COL22A1: variants seen among roughly 807,000 people sequenced by gnomAD.
The protein encoded by COL22A1 is collagen alpha-1(XXII) chain.
Under a neutral mutation model 248.9 loss-of-function variants are expected in COL22A1, and 221 were observed. The ratio of observed to expected loss-of-function variants is 0.89; its 90% confidence interval spans 0.80 to 0.99. The LOEUF is 0.99. Among genes scored for constraint, COL22A1 ranks in the 50% least tolerant of loss-of-function variants. COL22A1 has a pLI of 0.00. For missense variants in COL22A1, 2,240 were observed against 2,179.0 expected (o/e 1.03, Z -0.56); for synonymous variants, 891 against 793.4 (o/e 1.12, Z -2.07).
At chr8:138,723,172 G>A (rs1199303279) in intron 25 of COL22A1, among the ~76,000 whole-genome samples, 3 of 152,142 alleles carry the variant, frequency 2.0e-5, no homozygotes, top group African/African-American at 7.2e-5. Flanking sequence ...AGAGCTATTA[G>A]TGCTGTTCAA....
intron 23 of COL22A1, among the ~76,000 whole-genome samples, chr8:138,730,288 C>G (rs1259710220): frequency 3.3e-5 from 5 of 152,158 alleles, no homozygotes; most frequent in East Asian, 1.9e-4. Context: ...AGTGGGCAGG[C>G]ACAGCTTTGA....
At chr8:138,687,447 T>G (rs1217035018) in intron 37 of COL22A1, among the ~76,000 whole-genome samples, 2 of 152,216 alleles carry the variant, frequency 1.3e-5, no homozygotes, top group Non-Finnish European at 2.9e-5. Context: ...AGAACTGAAG[T>G]GATTCTTTAA....
chr8:138,893,155 C>T (rs1035293759), intron 1 of COL22A1, among the ~76,000 whole-genome samples: 11 of 152,202 alleles, frequency 7.2e-5, no homozygotes, highest in Admixed American at 3.9e-4. Context: ...ATTCGAAATT[C>T]AACTCTGTGG....
At chr8:138,900,268 A>C (rs1275331612) in intron 1 of COL22A1, among the ~76,000 whole-genome samples, 2 of 152,112 alleles carry the variant, frequency 1.3e-5, no homozygotes, top group Non-Finnish European at 2.9e-5. Flanking sequence ...AGGTGGGGAG[A>C]TAAAAAAGAG....
At chr8:138,692,053 T>TGTGA (rs1827028491) in intron 35 of COL22A1, among the ~76,000 whole-genome samples, 6 of 87,232 alleles carry the variant, frequency 6.9e-5, no homozygotes, top group African/African-American at 1.6e-4. Flanking sequence ...AAGGTGTGTG[T>TGTGA]GTGCGCGCAC....
intron 16 of COL22A1, among the ~76,000 whole-genome samples, chr8:138,763,929 G>C (rs954824698): frequency 1.3e-5 from 2 of 152,166 alleles, no homozygotes; most frequent in Non-Finnish European, 2.9e-5. Flanking sequence ...CAGGAGGTGC[G>C]TTCACTCTTG....
intron 1 of COL22A1, among the ~76,000 whole-genome samples, chr8:138,885,804 C>T (rs77402601): frequency 0.14 from 20,632 of 152,142 alleles, 1,412 homozygotes; most frequent in African/African-American, 0.17. Flanking sequence ...CTCAGTTGAT[C>T]CGCCTGCCTC....
intron 1 of COL22A1, among the ~76,000 whole-genome samples, chr8:138,889,222 C>G (rs1477712519): frequency 6.6e-6 from 1 of 151,376 alleles, no homozygotes; most frequent in African/African-American, 2.4e-5. Context: ...GCACTAAACC[C>G]ACACTCTTTC....
Position 138,684,473 on chromosome 8 carries a change from G to A in COL22A1, c.2968-4C>T, listed in dbSNP as rs763294119. On this transcript the variant is annotated splice_polypyrimidine_tract_variant and splice_region_variant and intron_variant, in intron 38 of 64. Coordinates refer to ENST00000303045, the MANE Select transcript of COL22A1 (RefSeq NM_152888.3). ...GTCCAGGTGATCCACGGAGTCCCTG[G>A]AGAAATAAATAATACAAGGACAATC... 6.2e-6 allele frequency: 10 copies of A among 1,606,474 alleles called. No homozygotes were observed. Among genetic ancestry groups the A allele is most frequent in the Non-Finnish European group, 8.5e-6 (10 of 1,173,236 alleles).
chr8:138,828,652 G>A (rs1586840955), intron 5 of COL22A1, among the ~76,000 whole-genome samples: 1 of 151,678 alleles, frequency 6.6e-6, no homozygotes, highest in African/African-American at 2.4e-5. Context: ...AATCTATAAA[G>A]AAGGTATTAA....
chr8:138,800,652 A>G (rs2131620877), intron 11 of COL22A1, among the ~76,000 whole-genome samples: 1 of 152,302 alleles, frequency 6.6e-6, no homozygotes, highest in South Asian at 2.1e-4. Flanking sequence ...GCTGCTGATG[A>G]TATCAGGCAG....
chr8:138,595,844 T>C (rs1817497107), intron 62 of COL22A1, among the ~76,000 whole-genome samples: 1 of 151,996 alleles, frequency 6.6e-6, no homozygotes, highest in Non-Finnish European at 1.5e-5. Flanking sequence ...AAAGTAGTTA[T>C]GGATTTCTCT....
At chr8:138,795,528 GAC>G (rs6150850) in intron 12 of COL22A1, among the ~76,000 whole-genome samples, 244 of 144,420 alleles carry the variant, frequency 1.7e-3, no homozygotes, top group Non-Finnish European at 2.0e-3. Context: ...CTCTCTTTCA[GAC>G]ACACACACAC....
At chr8:138,660,358 C>T in intron 44 of COL22A1, 78 bp downstream of exon 44, 2 of 1,260,742 alleles carry the variant, frequency 1.6e-6, no homozygotes, top group Admixed American at 1.7e-5. Context: ...ACCTCTTGAA[C>T]TTTCTGAGTT....
At chr8:138,820,102 A>T (rs942242206) in intron 7 of COL22A1, among the ~76,000 whole-genome samples, 1 of 152,146 alleles carries the variant, frequency 6.6e-6, no homozygotes, top group Non-Finnish European at 1.5e-5. Flanking sequence ...CTAAAAAAAA[A>T]TAAAAGCTTA....
chr8:138,808,462 C>T (rs555550188), intron 9 of COL22A1, among the ~76,000 whole-genome samples: 2 of 152,236 alleles, frequency 1.3e-5, no homozygotes, highest in East Asian at 1.9e-4. Context: ...TGACTGCTAG[C>T]GGTTCATGTA....
chr8:138,601,130 T>C (rs995858168), intron 60 of COL22A1, among the ~76,000 whole-genome samples: 7 of 151,380 alleles, frequency 4.6e-5, no homozygotes, highest in African/African-American at 1.7e-4. Flanking sequence ...CAAGCCCATA[T>C]CCTGTGCCAG....
At chr8:138,721,057 G>GA (rs1396943177) in intron 26 of COL22A1, among the ~76,000 whole-genome samples, 1 of 152,122 alleles carries the variant, frequency 6.6e-6, no homozygotes, top group African/African-American at 2.4e-5. Flanking sequence ...AGATTTAGAA[G>GA]AAAGGAAGAT....
chr8:138,747,795 T>C, intron 22 of COL22A1, among the ~76,000 whole-genome samples: 1 of 151,992 alleles, frequency 6.6e-6, no homozygotes. Context: ...ATGGATGAAT[T>C]TGTGGAAGGA....
Sources: allele counts gnomAD v4.1 joint callset (sites outside exome capture counted in the v4.1 genomes callset), GRCh38; gene constraint gnomAD v4.1.1; transcripts MANE v1.5; gene names NCBI Gene and HGNC (gene_info 2026-07-23, HGNC 2026-07-21).